JAKMIP1: variants seen among roughly 807,000 people sequenced by gnomAD.
JAKMIP1 encodes janus kinase and microtubule-interacting protein 1.
JAKMIP1 carries 33 observed loss-of-function variants against 113.0 expected under a neutral mutation model. The ratio of observed to expected loss-of-function variants is 0.29; its 90% CI spans 0.22 to 0.39. The LOEUF (loss-of-function observed/expected upper bound fraction) is 0.39. JAKMIP1 is among the 10% of genes least tolerant of loss of function. The pLI is 1.00. For missense variants in JAKMIP1, 813 were observed against 1,080.5 expected (o/e 0.75, Z 3.47); for synonymous variants, 480 against 459.9 (o/e 1.04, Z -0.56).
chr4:6,060,616 C>T, intron 10 of JAKMIP1, 109 bp from the exon 11 acceptor site: 2 of 799,398 alleles, frequency 2.5e-6, no homozygotes, highest in Non-Finnish European at 4.4e-6. Context: ...TATAGGCAAA[C>T]CTTAGGAACA....
At chr4:6,152,734 G>A (rs1192555493) in intron 1 of JAKMIP1, among the ~76,000 whole-genome samples, 1 of 150,676 alleles carries the variant, frequency 6.6e-6, no homozygotes, top group Non-Finnish European at 1.5e-5. Flanking sequence ...CTGAGGTCAG[G>A]AGTTCGAGAC....
intron 3 of JAKMIP1, among the ~76,000 whole-genome samples, chr4:6,102,721 A>AATTTTTTT (rs1560188201): frequency 1.3e-5 from 1 of 79,652 alleles, no homozygotes; most frequent in African/African-American, 5.1e-5. Context: ...CTCTCTAAAG[A>AATTTTTTT]CTTTTTTTTT....
Position 6,197,446 on chromosome 4 carries a change from C to T in JAKMIP1, c.-148+2807G>A, listed in dbSNP as rs1324775521. ...AAATCGGCTACCTTTGCTCAGAGAC[C>T]ACACCTCTGATCCCCACACCAACCT... On this transcript the variant is annotated intron_variant, in intron 1 of 20. Transcript: ENST00000409021. This position sits in a 1 kb window ranked among gnomAD's most constrained non-coding sequence, Gnocchi z 6.5. Among the ~76,000 whole-genome samples, 1 of 152,178 alleles carries T rather than the reference C, an allele frequency of 6.6e-6. No individual in the cohort carries two copies. Among genetic ancestry groups the T allele is most frequent in the Non-Finnish European group, 1.5e-5 (1 of 68,026 alleles).
chr4:6,055,212 G>A (rs149676379), intron 12 of JAKMIP1, among the ~76,000 whole-genome samples: 1 of 152,098 alleles, frequency 6.6e-6, no homozygotes, highest in Non-Finnish European at 1.5e-5. Flanking sequence ...AACATCCAGA[G>A]ACAGTGGACT....
chr4:6,084,830 T>C lies in JAKMIP1; in HGVS notation c.954+16A>G, dbSNP rs1175652929. The C allele has an allele frequency of 6.2e-7, 1 of 1,607,526 alleles. No homozygotes were observed. The highest frequency in any genetic ancestry group is 1.1e-5 in the South Asian group (1 of 89,260). ...TGCACCCTATGAGGCACCGCCTGTC[T>C]CTTGGGGCTACTTACCAGTTCATTC... On this transcript the variant is annotated intron_variant, in intron 5 of 20. Coordinates refer to ENST00000409021, the MANE Select transcript of JAKMIP1 (RefSeq NM_001099433.2).
At chr4:6,127,868 T>C (rs942531022) in intron 1 of JAKMIP1, among the ~76,000 whole-genome samples, 1 of 152,188 alleles carries the variant, frequency 6.6e-6, no homozygotes, top group Non-Finnish European at 1.5e-5. Context: ...CCGTCTAACC[T>C]CTGCCCTTAG....
intron 1 of JAKMIP1, among the ~76,000 whole-genome samples, chr4:6,121,524 C>T (rs17767366): frequency 0.08 from 12,167 of 152,284 alleles, 620 homozygotes; most frequent in Middle Eastern, 0.12. Flanking sequence ...TACTACAAAA[C>T]TGCACGACTA....
chr4:6,135,470 A>G lies in JAKMIP1; in HGVS notation c.-147-22473T>C, dbSNP rs1275083288. Among the ~76,000 whole-genome samples the G allele has an allele frequency of 6.6e-6, 1 of 152,078 alleles. No individual in the cohort carries two copies. Among genetic ancestry groups the G allele is most frequent in the Non-Finnish European group, 1.5e-5 (1 of 68,026 alleles). ...CAAATGTCTGTGGTGTGAGCCGCCCAGTCTGTGGAGTCCATCATGGCAGCC... is the reference window on the plus strand; with the variant it reads ...CAAATGTCTGTGGTGTGAGCCGCCCGGTCTGTGGAGTCCATCATGGCAGCC... On this transcript the variant is annotated intron_variant, in intron 1 of 20. Coordinates refer to ENST00000409021, the MANE Select transcript of JAKMIP1 (RefSeq NM_001099433.2). The surrounding 1 kb of genome is among the most constrained non-coding windows in gnomAD (Gnocchi z 4.9).
At position 6,105,770 on chromosome 4, in the gene JAKMIP1, C is replaced by A; in HGVS notation, c.327G>T (p.Glu109Asp). 6.2e-7 allele frequency: 1 copy of A among 1,605,158 alleles called. No individual in the cohort carries two copies. The change falls in exon 3 of 21, where the codon GAG (glutamate) becomes GAT (aspartate). Residue 109 changes from glutamate to aspartate, a missense_variant. Physicochemically the swap from Glu to Asp is conservative, Grantham distance 45. This residue lies in a region of JAKMIP1 where 540 missense variants were observed against 653.9 expected (regional missense o/e 0.83). Coordinates refer to ENST00000409021, the MANE Select transcript of JAKMIP1 (RefSeq NM_001099433.2). Reference protein sequence around the residue: ...AARTAKIKEGELQRLQATLNV... With the variant: ...AARTAKIKEGDLQRLQATLNV... ...TCAGCGTGGCCTGCAGCCGCTGCAG[C>A]TCGCCCTCCTTGATCTTGGCGGTGC... is the stretch of plus-strand genomic sequence containing the variant.
intron 2 of JAKMIP1, 111 bp downstream of exon 2, chr4:6,112,611 C>T: frequency 1.5e-6 from 2 of 1,299,416 alleles, no homozygotes; most frequent in Non-Finnish European, 2.2e-6. Flanking sequence ...GTGAAGTGCC[C>T]CCCCTCGGCC....
chr4:6,039,778 T>G (rs954923619), intron 18 of JAKMIP1, among the ~76,000 whole-genome samples: 2 of 152,206 alleles, frequency 1.3e-5, no homozygotes, highest in African/African-American at 4.8e-5. Context: ...CCTTCATGTC[T>G]AAATCTCCTG....
At chr4:6,107,657 C>G (rs1305078576) in intron 2 of JAKMIP1, among the ~76,000 whole-genome samples, 1 of 152,168 alleles carries the variant, frequency 6.6e-6, no homozygotes, top group Non-Finnish European at 1.5e-5. Context: ...GCCTGAATCT[C>G]CAGCCTGCTG....
In JAKMIP1 at chr4:6,060,470, T is replaced by C; in HGVS notation, c.1598A>G (p.Gln533Arg). ...EQLQADLLRCQAKIEDLEKLL... is the reference protein window; with the variant it reads ...EQLQADLLRCRAKIEDLEKLL... ...CTTCTCCAAATCTTCGATTTTGGCC[T>C]GACACCTCAGCAGATCAGCTTGTAG... Residue 533 changes from glutamine to arginine, a missense_variant, in exon 11 of 21, where the codon CAG becomes CGG. Physicochemically the swap from Gln to Arg is conservative, Grantham distance 43. Transcript: ENST00000409021. 1 of 1,614,182 alleles carries C rather than the reference T, an allele frequency of 6.2e-7. No individual in the cohort carries two copies. The highest frequency in any genetic ancestry group is 1.1e-5 in the South Asian group (1 of 91,084).
At chr4:6,113,346 CTG>C (rs777618610) in intron 1 of JAKMIP1, among the ~76,000 whole-genome samples, 2 of 152,200 alleles carry the variant, frequency 1.3e-5, no homozygotes, top group East Asian at 3.8e-4. Context: ...ATCAGTGAGC[CTG>C]TGTCTCCCAA....
rs1477816042 is a variant in JAKMIP1 at position 6,157,369 on chromosome 4, A to G, written c.-148+42884T>C. 6.6e-6 allele frequency among the ~76,000 whole-genome samples: 1 copy of G among 152,232 alleles called. No individual in the cohort carries two copies. Among genetic ancestry groups the G allele is most frequent in the Non-Finnish European group, 1.5e-5 (1 of 68,038 alleles). Reference sequence around the variant, plus strand: ...CTGGCGCACAACACAGGGTTGTCCCAAGAACCAAATGAGATTAAATTGAAA... The same window carrying G: ...CTGGCGCACAACACAGGGTTGTCCCGAGAACCAAATGAGATTAAATTGAAA... On this transcript the variant is annotated intron_variant, in intron 1 of 20. Transcript: ENST00000409021. The surrounding 1 kb of genome is among the most constrained non-coding windows in gnomAD (Gnocchi z 4.7).
At chr4:6,173,982 T>C (rs1725045129) in intron 1 of JAKMIP1, among the ~76,000 whole-genome samples, 1 of 151,934 alleles carries the variant, frequency 6.6e-6, no homozygotes. Flanking sequence ...GACAGGACAA[T>C]CGCTTGAACC....
intron 1 of JAKMIP1, among the ~76,000 whole-genome samples, chr4:6,133,357 G>A (rs1420057953): frequency 6.6e-6 from 1 of 152,180 alleles, no homozygotes; most frequent in African/African-American, 2.4e-5. Flanking sequence ...GTTTCCATAT[G>A]AAAAAGGTTA....
chr4:6,062,312 C>T lies in JAKMIP1; in HGVS notation c.1560G>A (p.Arg520=). ...GGTLDAEREA[R]TREQLQADLL... is the part of the protein sequence containing the mutation. ...GAGCCCTGAGGCTGGCTGCACTCAC[C>T]CGGGCCTCCCTCTCAGCGTCCAGCG... The change falls in exon 10 of 21, where the codon CGG becomes CGA. Residue 520 remains arginine (R), a splice_region_variant and synonymous_variant. Transcript: ENST00000409021. 6.2e-7 allele frequency: 1 copy of T among 1,612,234 alleles called. No individual in the cohort carries two copies. Among genetic ancestry groups the T allele is most frequent in the Non-Finnish European group, 8.5e-7 (1 of 1,179,904 alleles).
In JAKMIP1 at chr4:6,111,688, C is replaced by A. The variant is rs367897872; in HGVS notation, c.129+1034G>T. ...GGGTCTGCCTAGAAAGCCTGTGCTC[C>A]TCCCCTCTGTGACAGCCCGTGCTTT... On this transcript the variant is annotated intron_variant, in intron 2 of 20. Transcript: ENST00000409021. Among the ~76,000 whole-genome samples, 11 of 152,234 alleles carry A rather than the reference C, an allele frequency of 7.2e-5. No individual in the cohort carries two copies. The East Asian group carries it at 9.6e-4, about 13-fold the overall frequency.
Sources: gnomAD v4.1 joint callset for allele counts (sites outside exome capture counted in the v4.1 genomes callset) on GRCh38, gnomAD v4.1.1 for gene constraint, gnomAD v4.1.1 regional missense constraint, Gnocchi (gnomAD v3.1) non-coding constraint, MANE v1.5 for transcripts, NCBI Gene and HGNC (gene_info 2026-07-23, HGNC 2026-07-21) for gene names.